Variants in BICD1 observed in about 807,000 individuals in gnomAD.
BICD1 encodes BICD cargo adaptor 1, also known as protein bicaudal D homolog 1.
A neutral mutation model predicts 92.5 loss-of-function variants in BICD1; 35 were observed. The ratio of observed to expected loss-of-function variants is 0.38; its 90% CI spans 0.29 to 0.50. BICD1 has a LOEUF of 0.50. Among genes scored for constraint, BICD1 ranks in the 20% least tolerant of loss-of-function variants. BICD1 has a pLI of 0.93. For missense variants in BICD1, 950 were observed against 1,189.8 expected, an observed-to-expected ratio of 0.80 and a Z score of 2.97; for synonymous variants, 429 against 465.1, an observed-to-expected ratio of 0.92 and a Z score of 1.00.
intron 2 of BICD1, among the ~76,000 whole-genome samples, chr12:32,257,211 C>CAAAAAAAAAA: frequency 1.3e-5 from 1 of 78,250 alleles, no homozygotes; most frequent in African/African-American, 5.3e-5. Flanking sequence ...GACTCTGTCT[C>CAAAAAAAAAA]AAAAAAAAAA....
At chr12:32,322,011 T>TA (rs768833760) in intron 4 of BICD1, among the ~76,000 whole-genome samples, 1 of 151,910 alleles carries the variant, frequency 6.6e-6, no homozygotes, top group African/African-American at 2.4e-5. Flanking sequence ...AAAAATAAAA[T>TA]AAATAAATAA....
intron 1 of BICD1, among the ~76,000 whole-genome samples, chr12:32,142,416 A>C (rs1242067161): frequency 2.0e-5 from 1 of 48,846 alleles, no homozygotes; most frequent in Non-Finnish European, 3.8e-5. Context: ...AAAAAAAAAA[A>C]AAAAAAAAAA....
chr12:32,221,364 T>A (rs937494875), intron 2 of BICD1, among the ~76,000 whole-genome samples: 63 of 149,314 alleles, frequency 4.2e-4, no homozygotes, highest in African/African-American at 8.6e-4. Context: ...AAAAAATAAA[T>A]AAATAAATAA....
At chr12:32,227,759 T>A (rs1425643772) in intron 2 of BICD1, 1 of 156,330 alleles carries the variant, frequency 6.4e-6, no homozygotes, top group Non-Finnish European at 1.5e-5. Flanking sequence ...TAGCCTCCAT[T>A]GGGGGCCTCG....
intron 2 of BICD1, among the ~76,000 whole-genome samples, chr12:32,258,896 G>A (rs1368299853): frequency 6.6e-6 from 1 of 152,198 alleles, no homozygotes; most frequent in Non-Finnish European, 1.5e-5. Flanking sequence ...CACAGGGAGG[G>A]GTTTAAGCCT....
intron 2 of BICD1, among the ~76,000 whole-genome samples, chr12:32,244,163 T>A (rs1946311063): frequency 6.6e-6 from 1 of 152,000 alleles, no homozygotes; most frequent in Non-Finnish European, 1.5e-5. Context: ...ACAATGAGAC[T>A]TGGAAAAAAA....
At chr12:32,292,493 C>A (rs907329817) in intron 2 of BICD1, among the ~76,000 whole-genome samples, 1 of 152,264 alleles carries the variant, frequency 6.6e-6, no homozygotes, top group African/African-American at 2.4e-5. Flanking sequence ...ACAATTGAAC[C>A]TACATAGCAT....
Position 32,283,953 on chromosome 12 carries a change from A to G in BICD1, c.427-10041A>G, listed in dbSNP as rs140132777. On this transcript the variant is annotated intron_variant, in intron 2 of 9. Coordinates refer to ENST00000652176, the MANE Select transcript of BICD1 (RefSeq NM_001714.4). ...ATGGAGAATAGCGGCCGTGCAGCCA[A>G]TAATGTCACTGGGCTCACTTGGGCT... 5.9e-5 allele frequency among the ~76,000 whole-genome samples: 9 copies of G among 152,350 alleles called. No homozygotes were observed. The East Asian group carries it at 1.7e-3, about 29-fold the overall frequency.
intron 1 of BICD1, chr12:32,108,551 A>T: frequency 4.9e-6 from 3 of 610,908 alleles, no homozygotes; most frequent in Non-Finnish European, 8.9e-6. Context: ...CTGTGTGTCA[A>T]GTCCTTATTT....
At chr12:32,334,460 T>C (rs1408179267) in intron 5 of BICD1, 56 bp from the exon 6 acceptor site, 10 of 1,523,744 alleles carry the variant, frequency 6.6e-6, no homozygotes, top group Non-Finnish European at 2.6e-6. Flanking sequence ...TGAAGCAATC[T>C]GTATGATGGA....
intron 1 of BICD1, among the ~76,000 whole-genome samples, chr12:32,135,636 A>G (rs1942710815): frequency 6.6e-6 from 1 of 151,894 alleles, no homozygotes; most frequent in African/African-American, 2.4e-5. Flanking sequence ...CCTTGCCTCA[A>G]GCGATCTTCT....
At chr12:32,306,400 T>C (rs113736300) in intron 4 of BICD1, among the ~76,000 whole-genome samples, 16,454 of 151,620 alleles carry the variant, frequency 0.11, 1,032 homozygotes, top group African/African-American at 0.17. Flanking sequence ...CCCGCCACCA[T>C]GCCCGGCTAA....
chr12:32,282,096 G>A (rs531420442), intron 2 of BICD1, among the ~76,000 whole-genome samples: 2 of 151,850 alleles, frequency 1.3e-5, no homozygotes, highest in Non-Finnish European at 2.9e-5. Flanking sequence ...ATGACAGTTA[G>A]GTTGAGGATC....
At chr12:32,201,288 A>G (rs1944900093) in intron 1 of BICD1, among the ~76,000 whole-genome samples, 1 of 152,166 alleles carries the variant, frequency 6.6e-6, no homozygotes, top group African/African-American at 2.4e-5. Flanking sequence ...ATTTCAGTTA[A>G]TTTTCTTGAG....
chr12:32,376,338 T>C (rs1939959853), intron 9 of BICD1, among the ~76,000 whole-genome samples: 1 of 151,996 alleles, frequency 6.6e-6, no homozygotes, highest in Non-Finnish European at 1.5e-5. Context: ...CCTCCTGCCT[T>C]GGCCTCCCAA....
At chr12:32,123,086 A>ATG (rs1465312953) in intron 1 of BICD1, among the ~76,000 whole-genome samples, 3 of 152,044 alleles carry the variant, frequency 2.0e-5, no homozygotes, top group Non-Finnish European at 4.4e-5. Context: ...TTAAGTAGAT[A>ATG]GCACGTTAGA....
intron 2 of BICD1, among the ~76,000 whole-genome samples, chr12:32,253,895 TCACTGCCATATCCCACCTGCCATAA>T: frequency 9.1e-6 from 1 of 110,242 alleles, no homozygotes. Context: ...CCTGTCATAA[TCACTGCCATATCCCACCTGCCATAA>T]TCACTGCTGT....
At chr12:32,363,456 G>A (rs899595194) in intron 8 of BICD1, among the ~76,000 whole-genome samples, 4 of 152,068 alleles carry the variant, frequency 2.6e-5, no homozygotes, top group African/African-American at 4.8e-5. Flanking sequence ...TCATATAAAC[G>A]TACAGCATTT....
chr12:32,155,324 A>G (rs944436932), intron 1 of BICD1, among the ~76,000 whole-genome samples: 3 of 152,246 alleles, frequency 2.0e-5, no homozygotes, highest in Admixed American at 6.5e-5. Context: ...TGGTAATGCC[A>G]TAAGGTAGAG....
Sources: gnomAD v4.1 joint callset for allele counts (sites outside exome capture counted in the v4.1 genomes callset) on GRCh38, gnomAD v4.1.1 for gene constraint, MANE v1.5 for transcripts, NCBI Gene and HGNC (gene_info 2026-07-23, HGNC 2026-07-21) for gene names.